UNC5C: variants seen among roughly 807,000 people sequenced by gnomAD.
The protein encoded by UNC5C is netrin receptor UNC5C.
Under a neutral mutation model 99.8 loss-of-function variants are expected in UNC5C, and 47 were observed. That is an observed-to-expected ratio of 0.47 (90% CI 0.37 to 0.60). The LOEUF (loss-of-function observed/expected upper bound fraction) is 0.60, where lower values mean the gene tolerates loss of function less well. Among genes scored for constraint, UNC5C ranks in the 20% least tolerant of loss-of-function variants. The pLI is 0.00. For missense variants in UNC5C, 1,062 were observed against 1,165.9 expected (o/e 0.91, Z 1.30); for synonymous variants, 487 against 452.2 (o/e 1.08, Z -0.98).
intron 4 of UNC5C, among the ~76,000 whole-genome samples, chr4:95,259,372 C>T (rs1740135741): frequency 1.3e-5 from 2 of 152,098 alleles, no homozygotes; most frequent in South Asian, 2.1e-4. Context: ...AGACAAACCC[C>T]AAACAACCCT....
intron 1 of UNC5C, among the ~76,000 whole-genome samples, chr4:95,444,653 T>C (rs1264969070): frequency 6.6e-6 from 1 of 152,132 alleles, no homozygotes; most frequent in Non-Finnish European, 1.5e-5. Flanking sequence ...TAAAGCACTT[T>C]AGGAACCTGT....
chr4:95,453,938 G>T (rs187449119), intron 1 of UNC5C, among the ~76,000 whole-genome samples: 537 of 152,116 alleles, frequency 3.5e-3, no homozygotes, highest in Non-Finnish European at 6.1e-3. Flanking sequence ...AAATTAAAAC[G>T]ATTGAAATCC....
At chr4:95,220,223 C>T in intron 7 of UNC5C, 47 bp from the exon 8 acceptor site, 2 of 1,553,290 alleles carry the variant, frequency 1.3e-6, no homozygotes, top group African/African-American at 1.4e-5. Context: ...TAGAAATTTC[C>T]CACAGTACAC....
intron 1 of UNC5C, among the ~76,000 whole-genome samples, chr4:95,474,651 G>C (rs1364453731): frequency 6.6e-6 from 1 of 152,094 alleles, no homozygotes; most frequent in Non-Finnish European, 1.5e-5. Flanking sequence ...TTTGGGACCA[G>C]ATAATGTGGA....
chr4:95,493,504 C>T (rs912301362), intron 1 of UNC5C, among the ~76,000 whole-genome samples: 4 of 151,328 alleles, frequency 2.6e-5, no homozygotes, highest in African/African-American at 4.8e-5. Flanking sequence ...ACTTTTTAGT[C>T]AGTGGATGGA....
At chr4:95,385,224 A>ACATAACTGTG (rs1428048087) in intron 1 of UNC5C, among the ~76,000 whole-genome samples, 2 of 152,196 alleles carry the variant, frequency 1.3e-5, no homozygotes, top group Non-Finnish European at 2.9e-5. Flanking sequence ...CGTTCTAAGA[A>ACATAACTGTG]CATAACTGTG....
At chr4:95,537,304 T>A (rs975831728) in intron 1 of UNC5C, among the ~76,000 whole-genome samples, 1 of 152,192 alleles carries the variant, frequency 6.6e-6, no homozygotes, top group Non-Finnish European at 1.5e-5. Flanking sequence ...TGGGGTCATA[T>A]GCTTAAGCAG....
At chr4:95,261,766 C>G (rs1054641762) in intron 4 of UNC5C, among the ~76,000 whole-genome samples, 1 of 151,222 alleles carries the variant, frequency 6.6e-6, no homozygotes, top group Non-Finnish European at 1.5e-5. Flanking sequence ...TGCGGTGGCG[C>G]GATCTCAGCT....
intron 12 of UNC5C, among the ~76,000 whole-genome samples, chr4:95,190,852 A>G (rs1737057318): frequency 6.6e-6 from 1 of 152,188 alleles, no homozygotes; most frequent in East Asian, 1.9e-4. Flanking sequence ...TGGCCGGCCC[A>G]GAGTGAGGGC....
In UNC5C at chr4:95,377,580, T is replaced by C. The variant is rs1447015796; in HGVS notation, c.125-41949A>G. On this transcript the variant is annotated intron_variant, in intron 1 of 15. Coordinates refer to ENST00000453304, the MANE Select transcript of UNC5C (RefSeq NM_003728.4). ...ATTAATTCATTGGCAAGTATCTCTGTGTTCCCTAAGAACATGCACTTTGTT... is the reference window on the plus strand; with the variant it reads ...ATTAATTCATTGGCAAGTATCTCTGCGTTCCCTAAGAACATGCACTTTGTT... Among the ~76,000 whole-genome samples the C allele has an allele frequency of 1.4e-4, 22 of 152,312 alleles. No individual in the cohort carries two copies. The South Asian group carries it at 4.1e-3, about 29-fold the overall frequency.
rs1400744380 is a variant in UNC5C, at chr4:95,369,366, C to T, written c.125-33735G>A. Among the ~76,000 whole-genome samples the T allele has an allele frequency of 2.6e-5, 4 of 151,664 alleles. No homozygotes were observed. The South Asian group carries it at 8.4e-4, about 32-fold the overall frequency. On this transcript the variant is annotated intron_variant, in intron 1 of 15. Transcript: ENST00000453304. ...AGGAGTTTGAGACCAGCCTGGGAAA[C>T]ATAATGAAACCCCAACTCTACAAAA...
intron 1 of UNC5C, among the ~76,000 whole-genome samples, chr4:95,371,692 G>A (rs535371232): frequency 2.6e-5 from 4 of 152,090 alleles, no homozygotes; most frequent in Admixed American, 6.6e-5. Context: ...CAAAGCACTG[G>A]AAACACCAGG....
intron 1 of UNC5C, among the ~76,000 whole-genome samples, chr4:95,352,477 C>G (rs1053942618): frequency 6.6e-6 from 1 of 152,106 alleles, no homozygotes; most frequent in Non-Finnish European, 1.5e-5. Context: ...TTCTTACTAC[C>G]TATCATTTTC....
intron 1 of UNC5C, among the ~76,000 whole-genome samples, chr4:95,399,612 G>C (rs1421716584): frequency 6.6e-6 from 1 of 152,108 alleles, no homozygotes; most frequent in African/African-American, 2.4e-5. Flanking sequence ...AGACCTAATT[G>C]TTCCTGCCTC....
chr4:95,326,029 C>A (rs1319355922), intron 2 of UNC5C, among the ~76,000 whole-genome samples: 1 of 152,102 alleles, frequency 6.6e-6, no homozygotes, highest in Admixed American at 6.5e-5. Context: ...AAGCAGAGAG[C>A]TCTGGGTTCA....
At chr4:95,312,552 T>C (rs1742313593) in intron 2 of UNC5C, among the ~76,000 whole-genome samples, 1 of 152,182 alleles carries the variant, frequency 6.6e-6, no homozygotes, top group Non-Finnish European at 1.5e-5. Flanking sequence ...GTCAAATCTA[T>C]AATAAATATG....
intron 1 of UNC5C, among the ~76,000 whole-genome samples, chr4:95,478,901 C>A (rs534554066): frequency 2.0e-5 from 3 of 151,756 alleles, no homozygotes; most frequent in Admixed American, 2.0e-4. Context: ...TCCATTAGTT[C>A]GTGTGAGAAC....
Position 95,471,658 on chromosome 4 carries a change from T to C in UNC5C, c.124+77076A>G, listed in dbSNP as rs1401868048. On this transcript the variant is annotated intron_variant, in intron 1 of 15. Coordinates refer to ENST00000453304, the MANE Select transcript of UNC5C (RefSeq NM_003728.4). ...TTTCTTAACACAGTTTGCTTTTCTA[T>C]ATTTTTACGTCAAATTTCCTTTCAT... Among the ~76,000 whole-genome samples the C allele has an allele frequency of 3.3e-5, 5 of 152,174 alleles. No individual in the cohort carries two copies. The East Asian group carries it at 7.7e-4, about 23-fold the overall frequency.
chr4:95,540,202 C>CTTCCCAAAT (rs1479354354), intron 1 of UNC5C, among the ~76,000 whole-genome samples: 2 of 152,152 alleles, frequency 1.3e-5, no homozygotes, highest in Non-Finnish European at 2.9e-5. Flanking sequence ...CTTTTAAATA[C>CTTCCCAAAT]TTCCCAAATT....
Sources: allele counts gnomAD v4.1 joint callset (sites outside exome capture counted in the v4.1 genomes callset), GRCh38; gene constraint gnomAD v4.1.1; transcripts MANE v1.5; gene names NCBI Gene and HGNC (gene_info 2026-07-23, HGNC 2026-07-21).